The following CSNK1G3 variants were observed in gnomAD, a reference collection of about 807,000 sequenced individuals.
CSNK1G3 encodes the protein casein kinase 1 gamma 3.
Under a neutral mutation model 64.3 loss-of-function variants are expected in CSNK1G3, and 23 were observed. The observed-to-expected ratio is 0.36, with a 90% CI of 0.26 to 0.51. The LOEUF is 0.51. CSNK1G3 is among the 20% of genes least tolerant of loss of function. The pLI is 0.96. For synonymous variants in CSNK1G3, 158 were observed against 162.2 expected (o/e 0.97, Z 0.20); for missense variants, 357 against 510.5 (o/e 0.70, Z 2.90).
intron 12 of CSNK1G3, 95 bp downstream of exon 13, chr5:123,605,457 A>T: frequency 2.4e-6 from 3 of 1,268,570 alleles, no homozygotes; most frequent in Admixed American, 3.9e-5. Flanking sequence ...AAAACTCTCA[A>T]CACAGTGATT....
At chr5:123,579,920 A>G (rs1039866475) in intron 6 of CSNK1G3, among the ~76,000 whole-genome samples, 1 of 152,000 alleles carries the variant, frequency 6.6e-6, no homozygotes, top group Non-Finnish European at 1.5e-5. Flanking sequence ...TGTTTCTAAG[A>G]TTACATGAAT....
chr5:123,549,879 G>A (rs1783310648), intron 2 of CSNK1G3, among the ~76,000 whole-genome samples: 1 of 152,172 alleles, frequency 6.6e-6, no homozygotes, highest in Non-Finnish European at 1.5e-5. Flanking sequence ...ATAAGATATT[G>A]TAACTTTTGA....
intron 1 of CSNK1G3, among the ~76,000 whole-genome samples, chr5:123,532,810 A>T (rs1191139621): frequency 6.6e-6 from 1 of 151,914 alleles, no homozygotes; most frequent in Non-Finnish European, 1.5e-5. Flanking sequence ...AGGTCTATTA[A>T]ATTAATGCCC....
At chr5:123,517,485 T>C (rs1298466643) in intron 1 of CSNK1G3, among the ~76,000 whole-genome samples, 2 of 151,972 alleles carry the variant, frequency 1.3e-5, no homozygotes, top group African/African-American at 4.8e-5. Context: ...TCAATTATGG[T>C]TGAAATAGAT....
At chr5:123,571,504 C>T (rs1788098094) in intron 4 of CSNK1G3, among the ~76,000 whole-genome samples, 1 of 152,154 alleles carries the variant, frequency 6.6e-6, no homozygotes, top group Non-Finnish European at 1.5e-5. Flanking sequence ...ATACTTGTCT[C>T]ATCCAAATCA....
rs562810210 is a variant in CSNK1G3, at chr5:123,583,165, G to A, written c.674-4903G>A. Among the ~76,000 whole-genome samples the A allele has an allele frequency of 1.5e-4, 23 of 152,204 alleles. 1 individual carries two copies. Among genetic ancestry groups the A allele is most frequent in the Admixed American group, 3.3e-4 (5 of 15,298 alleles). ...ATTGAGTTCCTCTCCATAACAGAGC[G>A]TCTTACTGTAGGGCTCAGCATACTT... On this transcript the variant is annotated intron_variant, in intron 6 of 12. Coordinates refer to ENST00000345990, the Ensembl canonical transcript of CSNK1G3.
intron 5 of CSNK1G3, among the ~76,000 whole-genome samples, chr5:123,574,128 C>T (rs752140121): frequency 7.2e-5 from 11 of 152,062 alleles, no homozygotes; most frequent in Admixed American, 5.9e-4. Context: ...GGATTACAGG[C>T]GTGAGCCACC....
chr5:123,541,689 C>T (rs779783999), intron 1 of CSNK1G3, among the ~76,000 whole-genome samples: 10 of 152,200 alleles, frequency 6.6e-5, no homozygotes, highest in Non-Finnish European at 1.3e-4. Flanking sequence ...ACCTCTGCCT[C>T]CCAAAGTGCT....
chr5:123,543,424 G>A (rs1302688843), intron 1 of CSNK1G3, among the ~76,000 whole-genome samples: 1 of 152,084 alleles, frequency 6.6e-6, no homozygotes, highest in Non-Finnish European at 1.5e-5. Flanking sequence ...ATTTAACACT[G>A]TAGTAACTAT....
At chr5:123,540,235 A>T (rs754496363) in intron 1 of CSNK1G3, among the ~76,000 whole-genome samples, 3 of 151,186 alleles carry the variant, frequency 2.0e-5, no homozygotes, top group Non-Finnish European at 4.4e-5. Flanking sequence ...GACAGTTTTT[A>T]TTTGAGGGTC....
intron 1 of CSNK1G3, among the ~76,000 whole-genome samples, chr5:123,525,115 C>T (rs1276571002): frequency 6.6e-6 from 1 of 152,148 alleles, no homozygotes; most frequent in African/African-American, 2.4e-5. Flanking sequence ...CTCATTTAAA[C>T]TATGTGATGT....
intron 6 of CSNK1G3, among the ~76,000 whole-genome samples, chr5:123,579,697 GA>G (rs1249406653): frequency 6.6e-6 from 1 of 151,908 alleles, no homozygotes; most frequent in African/African-American, 2.4e-5. Context: ...TCATTGTTAG[GA>G]AAAGTCATCA....
chr5:123,605,325 G>A lies in CSNK1G3; in HGVS notation c.1194-14G>A, dbSNP rs74439343. The A allele has an allele frequency of 3.9e-6, 6 of 1,522,694 alleles. No homozygotes were observed. The African/African-American group carries it at 9.1e-5, about 23-fold the overall frequency. The allele number at this position is 1,522,694 out of a possible 1,614,324, so 94.3% of individuals were successfully genotyped here. The stretch of plus-strand genomic sequence containing the variant: ...TTTTTTTCCTTGTATTTTTTTTTTT[G>A]TGTGTGCGTATAGCTGCCAGAAAGT... On this transcript the variant is annotated splice_polypyrimidine_tract_variant and intron_variant, in intron 11 of 12. Coordinates refer to ENST00000345990, the Ensembl canonical transcript of CSNK1G3.
At chr5:123,589,350 T>A (rs1791923966) in intron 8 of CSNK1G3, among the ~76,000 whole-genome samples, 1 of 152,160 alleles carries the variant, frequency 6.6e-6, no homozygotes, top group African/African-American at 2.4e-5. Context: ...AGAAGTAGAT[T>A]TTTTAAAATG....
chr5:123,604,694 A>G, intron 10 of CSNK1G3, 30 bp from the exon 12 acceptor site: 1 of 1,257,980 alleles, frequency 7.9e-7, no homozygotes, highest in African/African-American at 1.5e-5. Flanking sequence ...GTGTACATAT[A>G]CATATATAAA....
intron 1 of CSNK1G3, among the ~76,000 whole-genome samples, chr5:123,519,325 T>G (rs1401505803): frequency 2.0e-5 from 3 of 152,220 alleles, no homozygotes; most frequent in African/African-American, 7.2e-5. Flanking sequence ...AAGTGCTGGA[T>G]TACAGGCATG....
chr5:123,614,419 G>GGGAGTTACTTACAT, exon 13 of CSNK1G3: 5 of 1,601,396 alleles, frequency 3.1e-6, no homozygotes, highest in Non-Finnish European at 4.3e-6. Context: ...ACAGATCCTG[G>GGGAGTTACTTACAT]GGAGTTACTT....
intron 5 of CSNK1G3, 118 bp downstream of exon 5, chr5:123,573,659 A>C: frequency 1.3e-6 from 1 of 764,978 alleles, no homozygotes; most frequent in African/African-American, 1.8e-5. Context: ...ACGTAATACA[A>C]ATGTTTCTAC....
intron 4 of CSNK1G3, among the ~76,000 whole-genome samples, chr5:123,562,097 CTT>C (rs1284121624): frequency 6.6e-6 from 1 of 152,106 alleles, no homozygotes; most frequent in Non-Finnish European, 1.5e-5. Context: ...TTGCACTACA[CTT>C]ACTATTCCTT....
Sources: gnomAD v4.1 joint callset for allele counts (sites outside exome capture counted in the v4.1 genomes callset) on GRCh38, gnomAD v4.1.1 for gene constraint, MANE v1.5 for transcripts, NCBI Gene and HGNC (gene_info 2026-07-23, HGNC 2026-07-21) for gene names.